The following NLGN1 variants were observed in gnomAD, a reference collection of about 807,000 sequenced individuals.
NLGN1 encodes neuroligin-1.
In NLGN1, 12 loss-of-function variants were observed where a neutral mutation model predicts 65.5. That is an observed-to-expected ratio of 0.18 (90% confidence interval 0.12 to 0.30). The LOEUF (loss-of-function observed/expected upper bound fraction) is 0.30. Ranked by LOEUF, NLGN1 falls within the 10% of genes least tolerant of loss-of-function variation. NLGN1 has a pLI of 1.00. For synonymous variants in NLGN1, 350 were observed against 359.5 expected (o/e 0.97, Z 0.30); for missense variants, 750 against 1,007.1 (o/e 0.74, Z 3.46).
intron 3 of NLGN1, among the ~76,000 whole-genome samples, chr3:173,636,807 C>CTTA (rs1756664527): frequency 6.6e-6 from 1 of 151,996 alleles, no homozygotes; most frequent in South Asian, 2.1e-4. Context: ...GGGTCATTAA[C>CTTA]ACCTATACTG....
At position 173,483,747 on chromosome 3, in the gene NLGN1, T is replaced by C. The variant is rs189369132; in HGVS notation, c.-321+48669T>C. Among the ~76,000 whole-genome samples, 659 of 152,274 alleles carry C rather than the reference T, an allele frequency of 4.3e-3. 5 individuals carry two copies. The highest frequency in any genetic ancestry group is 6.4e-3 in the Non-Finnish European group (438 of 67,996). ...AGTGGAAGGGCCCTTGCAGATCATC[T>C]AGTTCACTAGGAAGATACAGAAACT... On this transcript the variant is annotated intron_variant, in intron 2 of 6. Coordinates refer to ENST00000457714, the Ensembl canonical transcript of NLGN1.
At chr3:173,528,164 T>C (rs511194) in intron 2 of NLGN1, among the ~76,000 whole-genome samples, 143,059 of 152,204 alleles carry the variant, frequency 0.94, 67,351 homozygotes, top group African/African-American at 0.98. Flanking sequence ...TGATGAATTC[T>C]CTTAGTGTTT....
At chr3:173,884,990 A>G (rs1330066356) in intron 4 of NLGN1, among the ~76,000 whole-genome samples, 1 of 152,122 alleles carries the variant, frequency 6.6e-6, no homozygotes, top group Non-Finnish European at 1.5e-5. Context: ...TGCTGATCTC[A>G]TACATACAAG....
At chr3:173,855,859 G>A (rs1254682458) in intron 4 of NLGN1, among the ~76,000 whole-genome samples, 2 of 152,058 alleles carry the variant, frequency 1.3e-5, no homozygotes, top group Non-Finnish European at 2.9e-5. Flanking sequence ...ATGGTGGCCA[G>A]GTGGCAAGTT....
intron 4 of NLGN1, among the ~76,000 whole-genome samples, chr3:174,058,867 A>G (rs912541763): frequency 3.9e-5 from 6 of 152,104 alleles, no homozygotes; most frequent in Non-Finnish European, 5.9e-5. Flanking sequence ...TTCCTTGTCT[A>G]TAGATAATTT....
chr3:173,685,559 C>A (rs1764561236), intron 3 of NLGN1: 1 of 753,360 alleles, frequency 1.3e-6, no homozygotes, highest in Non-Finnish European at 1.6e-6. Context: ...GGCTGCCAGG[C>A]AGTCATCAAA....
chr3:173,438,607 T>C (rs1362656221), intron 2 of NLGN1, among the ~76,000 whole-genome samples: 1 of 152,168 alleles, frequency 6.6e-6, no homozygotes, highest in East Asian at 1.9e-4. Context: ...TTTTAATTTT[T>C]CACTTTTATT....
At chr3:173,567,169 G>A (rs2149317542) in intron 2 of NLGN1, among the ~76,000 whole-genome samples, 1 of 152,166 alleles carries the variant, frequency 6.6e-6, no homozygotes, top group African/African-American at 2.4e-5. Context: ...TATAAATTCT[G>A]AGAACTGTAA....
At chr3:173,825,126 C>A (rs1244419508) in intron 4 of NLGN1, among the ~76,000 whole-genome samples, 1 of 151,982 alleles carries the variant, frequency 6.6e-6, no homozygotes, top group African/African-American at 2.4e-5. Flanking sequence ...ATTAAGATTT[C>A]TATTTTAAAA....
chr3:174,292,919 G>T, the NLGN1 span, among the ~76,000 whole-genome samples: 1 of 151,378 alleles, frequency 6.6e-6, no homozygotes, highest in African/African-American at 2.4e-5. Flanking sequence ...ATAGGTACAG[G>T]AAGTACATCA....
intron 2 of NLGN1, among the ~76,000 whole-genome samples, chr3:173,460,913 G>A (rs1254085713): frequency 6.6e-6 from 1 of 152,096 alleles, no homozygotes; most frequent in Non-Finnish European, 1.5e-5. Context: ...CCAGCCCTAA[G>A]GCACAGTCCT....
chr3:174,047,805 T>C (rs1336472664), intron 4 of NLGN1, among the ~76,000 whole-genome samples: 1 of 145,524 alleles, frequency 6.9e-6, no homozygotes, highest in African/African-American at 2.5e-5. Context: ...TTTGAGATAG[T>C]AAAAAAAAAA....
intron 4 of NLGN1, among the ~76,000 whole-genome samples, chr3:173,847,408 A>G (rs1341111629): frequency 6.6e-6 from 1 of 152,156 alleles, no homozygotes; most frequent in Admixed American, 6.5e-5. Context: ...ATTAGACACA[A>G]AGGGAAACCA....
At chr3:174,006,355 A>G (rs1411432292) in intron 4 of NLGN1, among the ~76,000 whole-genome samples, 1 of 152,100 alleles carries the variant, frequency 6.6e-6, no homozygotes, top group Non-Finnish European at 1.5e-5. Context: ...TCTGTCCCTC[A>G]TTCAAGAGTT....
At chr3:174,201,386 G>A (rs1246094345) in intron 4 of NLGN1, among the ~76,000 whole-genome samples, 1 of 149,156 alleles carries the variant, frequency 6.7e-6, no homozygotes, top group African/African-American at 2.5e-5. Context: ...AAAGAAGGAA[G>A]GAAGGAAGGA....
intron 3 of NLGN1, among the ~76,000 whole-genome samples, chr3:173,631,745 C>G (rs116228683): frequency 0.014 from 2,141 of 152,126 alleles, 56 homozygotes; most frequent in African/African-American, 0.049. Flanking sequence ...AACATGCACT[C>G]AGAATAGGTT....
intron 4 of NLGN1, among the ~76,000 whole-genome samples, chr3:174,010,900 C>A (rs1357128169): frequency 1.3e-5 from 2 of 152,058 alleles, no homozygotes; most frequent in Non-Finnish European, 2.9e-5. Flanking sequence ...TCTCAACTTT[C>A]AAGGTCAAAG....
chr3:173,459,875 C>G (rs779097974), intron 2 of NLGN1, among the ~76,000 whole-genome samples: 2 of 151,672 alleles, frequency 1.3e-5, no homozygotes, highest in Non-Finnish European at 2.9e-5. Context: ...TAATCAGGAG[C>G]CTTATTTATA....
chr3:173,831,041 T>C lies in NLGN1; in HGVS notation c.646+23209T>C, dbSNP rs141148529. Among the ~76,000 whole-genome samples, 746 of 152,280 alleles carry C rather than the reference T, an allele frequency of 4.9e-3. 6 individuals carry two copies. The highest frequency in any genetic ancestry group is 0.017 in the African/African-American group (712 of 41,572). On this transcript the variant is annotated intron_variant, in intron 4 of 6. Transcript: ENST00000457714. Reference sequence around the variant, plus strand: ...ATAGCTCTCAATTTGGTCAACCCAATATCCCCCTTTAAAAATAATATTTTC... The same window carrying C: ...ATAGCTCTCAATTTGGTCAACCCAACATCCCCCTTTAAAAATAATATTTTC...
Sources: allele counts gnomAD v4.1 joint callset (sites outside exome capture counted in the v4.1 genomes callset), GRCh38; gene constraint gnomAD v4.1.1; transcripts MANE v1.5; gene names NCBI Gene and HGNC (gene_info 2026-07-23, HGNC 2026-07-21).